The following ADGRG6 variants were observed in gnomAD, a reference collection of about 807,000 sequenced individuals.
ADGRG6 encodes G-protein coupled receptor 126.
ADGRG6 carries 84 observed loss-of-function variants against 142.4 expected under a neutral mutation model. The observed-to-expected ratio is 0.59, with a 90% confidence interval of 0.49 to 0.71. ADGRG6 has a LOEUF of 0.71. Among genes scored for constraint, ADGRG6 ranks in the 30% least tolerant of loss-of-function variants. ADGRG6 has a pLI of 0.00. For missense variants in ADGRG6, 1,367 were observed against 1,466.6 expected, an observed-to-expected ratio of 0.93 and a Z score of 1.11; for synonymous variants, 521 against 520.5, an observed-to-expected ratio of 1.00 and a Z score of -0.01.
intron 2 of ADGRG6, among the ~76,000 whole-genome samples, chr6:142,365,971 G>T (rs948612007): frequency 2.6e-5 from 4 of 152,122 alleles, no homozygotes; most frequent in African/African-American, 9.7e-5. Context: ...TATTTTTTAA[G>T]TATTTTATTG....
intron 22 of ADGRG6, among the ~76,000 whole-genome samples, chr6:142,430,710 G>A (rs766111602): frequency 6.6e-6 from 1 of 152,124 alleles, no homozygotes; most frequent in African/African-American, 2.4e-5. Flanking sequence ...TTAGAAATAG[G>A]TGTATTATTA....
chr6:142,356,175 T>A, intron 2 of ADGRG6, among the ~76,000 whole-genome samples: 1 of 152,242 alleles, frequency 6.6e-6, no homozygotes, highest in Non-Finnish European at 1.5e-5. Flanking sequence ...AATAAGCTAT[T>A]TTTTGTAAAC....
At chr6:142,317,901 A>ATATTATATATT (rs1778205560) in intron 2 of ADGRG6, among the ~76,000 whole-genome samples, 1 of 37,056 alleles carries the variant, frequency 2.7e-5, no homozygotes, top group African/African-American at 1.5e-4. Context: ...TTATATATTT[A>ATATTATATATT]TATATATTAT....
chr6:142,388,468 T>C (rs1782141890), intron 6 of ADGRG6, among the ~76,000 whole-genome samples: 1 of 152,074 alleles, frequency 6.6e-6, no homozygotes, highest in South Asian at 2.1e-4. Flanking sequence ...CTCCTCCACT[T>C]ACGGTAGGGT....
At chr6:142,307,723 T>C (rs1777572630) in intron 1 of ADGRG6, among the ~76,000 whole-genome samples, 1 of 152,082 alleles carries the variant, frequency 6.6e-6, no homozygotes, top group Admixed American at 6.6e-5. Context: ...TCTTACTTAC[T>C]AAAACATACT....
intron 2 of ADGRG6, among the ~76,000 whole-genome samples, chr6:142,313,005 C>T (rs12204775): frequency 0.049 from 7,506 of 151,984 alleles, 280 homozygotes; most frequent in Non-Finnish European, 0.075. Flanking sequence ...AACATGTTAA[C>T]AAAACATGGA....
At position 142,402,000 on chromosome 6, in the gene ADGRG6, C is replaced by T; in HGVS notation, c.1686C>T (p.Tyr562=). Residue 562 remains tyrosine (Y), a synonymous_variant, in exon 12 of 25, where the codon TAC becomes TAT. Coordinates refer to ENST00000367609, the MANE Select transcript of ADGRG6 (RefSeq NM_198569.3). ...TATCTATTTTGTTTCATAGTTTTTACAATGCTACCAACCCATTGGTAACCT... is the reference window on the plus strand; with the variant it reads ...TATCTATTTTGTTTCATAGTTTTTATAATGCTACCAACCCATTGGTAACCT... The part of the protein sequence containing the change: ...PGFSASRICF[Y]NATNPLVTYW... The T allele has an allele frequency of 1.4e-6, 2 of 1,477,592 alleles. No homozygotes were observed. The highest frequency in any genetic ancestry group is 1.9e-6 in the Non-Finnish European group (2 of 1,068,138). 91.5% of individuals were successfully genotyped at this position (1,477,592 alleles called of 1,614,324 possible).
At chr6:142,383,872 A>T in intron 6 of ADGRG6, 29 bp downstream of exon 6, 1 of 1,091,428 alleles carries the variant, frequency 9.2e-7, no homozygotes, top group Non-Finnish European at 1.4e-6. Context: ...TTATATTTTT[A>T]GTATGTCTAA....
At chr6:142,378,371 C>G (rs1781598350) in intron 4 of ADGRG6, among the ~76,000 whole-genome samples, 1 of 152,140 alleles carries the variant, frequency 6.6e-6, no homozygotes, top group Non-Finnish European at 1.5e-5. Context: ...CAGGAACTCC[C>G]TCCAGGGTCT....
chr6:142,326,225 G>A (rs887237404), intron 2 of ADGRG6, among the ~76,000 whole-genome samples: 2 of 150,420 alleles, frequency 1.3e-5, no homozygotes, highest in African/African-American at 4.9e-5. Context: ...GTTGTTTCTG[G>A]AACAATTCAT....
chr6:142,419,708 T>C (rs75168108), intron 21 of ADGRG6, 113 bp from the exon 22 acceptor site: 11,271 of 750,478 alleles, frequency 0.015, 120 homozygotes, highest in Middle Eastern at 0.048. Flanking sequence ...AGTGGCTTTC[T>C]AAAGACATTT....
At position 142,338,017 on chromosome 6, in the gene ADGRG6, G is replaced by GTTT. The variant is rs1181314373; in HGVS notation, c.103+28392_103+28394dup. On this transcript the variant is annotated intron_variant, in intron 2 of 24. Transcript: ENST00000367609. Reference sequence around the variant, plus strand: ...AATCCTTTTTATGCCTTGTATCTTTGTTTTTTTTTTTTTTTTTTTTTGAGA... The same window carrying GTTT: ...AATCCTTTTTATGCCTTGTATCTTTGTTTTTTTTTTTTTTTTTTTTTTTTGAGA... Among the ~76,000 whole-genome samples the GTTT allele has an allele frequency of 2.3e-3, 81 of 35,380 alleles. 18 individuals are homozygous for GTTT. Among genetic ancestry groups the GTTT allele is most frequent in the Admixed American group, 0.017 (36 of 2,166 alleles). 23.2% of individuals were successfully genotyped at this position (35,380 alleles called of 152,430 possible).
intron 2 of ADGRG6, among the ~76,000 whole-genome samples, chr6:142,341,883 A>T (rs917918760): frequency 5.3e-5 from 8 of 151,626 alleles, no homozygotes; most frequent in African/African-American, 1.5e-4. Context: ...CCAAATTTTT[A>T]AAAAAACTTG....
chr6:142,345,318 T>G (rs1779845472), intron 2 of ADGRG6, among the ~76,000 whole-genome samples: 1 of 152,098 alleles, frequency 6.6e-6, no homozygotes, highest in South Asian at 2.1e-4. Flanking sequence ...TCGTAATATC[T>G]TTGGCAGTCA....
intron 15 of ADGRG6, among the ~76,000 whole-genome samples, chr6:142,406,217 T>A (rs1300417036): frequency 6.7e-6 from 1 of 150,162 alleles, no homozygotes; most frequent in African/African-American, 2.4e-5. Flanking sequence ...AATTTAGCAG[T>A]AAGTACTGTT....
At chr6:142,438,777 A>G (rs1777610097) in intron 24 of ADGRG6, among the ~76,000 whole-genome samples, 1 of 152,198 alleles carries the variant, frequency 6.6e-6, no homozygotes, top group Non-Finnish European at 1.5e-5. Flanking sequence ...TGTACATTTT[A>G]TTTAAGACTT....
intron 21 of ADGRG6, among the ~76,000 whole-genome samples, chr6:142,417,778 A>G (rs927267244): frequency 1.3e-5 from 2 of 152,186 alleles, no homozygotes; most frequent in Non-Finnish European, 2.9e-5. Context: ...AGAAATCAGC[A>G]TGTTCTTAAA....
In ADGRG6 at chr6:142,367,794, T is replaced by G; in HGVS notation, c.329T>G (p.Phe110Cys). The G allele has an allele frequency of 1.2e-6, 2 of 1,613,812 alleles. No homozygotes were observed. Among genetic ancestry groups the G allele is most frequent in the Non-Finnish European group, 1.7e-6 (2 of 1,179,718 alleles). ...SLDNGESQTK[F>C]CGATAKGLSF... ...GATAATGGAGAGAGCCAGACTAAAT[T>G]TTGTGGAGCAACTGCCAAAGGCCTA... is the stretch of plus-strand genomic sequence containing the variant. The change falls in exon 3 of 25, where the codon TTT becomes TGT. Residue 110 changes from phenylalanine (F) to cysteine (C), a missense_variant. Coordinates refer to ENST00000367609, the MANE Select transcript of ADGRG6 (RefSeq NM_198569.3).
chr6:142,324,369 T>A (rs555509082), intron 2 of ADGRG6, among the ~76,000 whole-genome samples: 1 of 152,194 alleles, frequency 6.6e-6, no homozygotes, highest in East Asian at 1.9e-4. Context: ...TCAACCAGTA[T>A]TTTCTAAGCT....
Sources: allele counts gnomAD v4.1 joint callset (sites outside exome capture counted in the v4.1 genomes callset), GRCh38; gene constraint gnomAD v4.1.1; transcripts MANE v1.5; gene names NCBI Gene and HGNC (gene_info 2026-07-23, HGNC 2026-07-21).